KIF3C: variants seen among roughly 807,000 people sequenced by gnomAD.
KIF3C encodes kinesin-like protein KIF3C.
Under a neutral mutation model 67.7 loss-of-function variants are expected in KIF3C, and 12 were observed. The observed-to-expected ratio is 0.18, with a 90% CI of 0.11 to 0.29. The LOEUF (loss-of-function observed/expected upper bound fraction) is 0.29, where lower values mean the gene tolerates loss of function less well. Among genes scored for constraint, KIF3C ranks in the 10% least tolerant of loss-of-function variants. KIF3C has a pLI of 1.00. For missense variants in KIF3C, 789 were observed against 1,059.6 expected (o/e 0.74, Z 3.55); for synonymous variants, 393 against 426.2 (o/e 0.92, Z 0.96).
intron 5 of KIF3C, among the ~76,000 whole-genome samples, chr2:25,949,098 T>C (rs963172653): frequency 2.0e-5 from 3 of 152,184 alleles, no homozygotes; most frequent in Non-Finnish European, 2.9e-5. Context: ...AGTTTGATCA[T>C]TGCACTGTGG....
chr2:25,942,676 C>T (rs921774539), intron 5 of KIF3C, among the ~76,000 whole-genome samples: 1 of 152,126 alleles, frequency 6.6e-6, no homozygotes, highest in Non-Finnish European at 1.5e-5. Context: ...TCCCAAAGTG[C>T]TGGGATTACA....
At position 25,936,661 on chromosome 2, in the gene KIF3C, T is replaced by C. The variant is rs1361082380; in HGVS notation, c.2007-6598A>G. 2.6e-5 allele frequency among the ~76,000 whole-genome samples: 4 copies of C among 152,120 alleles called. No homozygotes were observed. The South Asian group carries it at 8.3e-4, about 31-fold the overall frequency. The stretch of plus-strand genomic sequence containing the variant: ...TGGGGTATGGATCCAGGAATGGAAG[T>C]GTTGCATTGCAGGGTATGTGGATTT... On this transcript the variant is annotated intron_variant, in intron 5 of 7. Coordinates refer to ENST00000264712, the MANE Select transcript of KIF3C (RefSeq NM_002254.8).
chr2:25,978,882 C>T (rs1451922959), intron 1 of KIF3C, among the ~76,000 whole-genome samples: 1 of 152,012 alleles, frequency 6.6e-6, no homozygotes, highest in Admixed American at 6.6e-5. Context: ...TCAGGATGTC[C>T]CTAAAGGTTC....
chr2:25,964,794 C>G (rs1035656247), intron 1 of KIF3C, among the ~76,000 whole-genome samples: 4 of 152,200 alleles, frequency 2.6e-5, no homozygotes, highest in African/African-American at 9.6e-5. Flanking sequence ...TGGACACTAT[C>G]AGGCATAATT....
intron 1 of KIF3C, among the ~76,000 whole-genome samples, chr2:25,979,550 A>G (rs1664509719): frequency 6.6e-6 from 1 of 152,168 alleles, no homozygotes; most frequent in African/African-American, 2.4e-5. Context: ...AGGCCACTCA[A>G]TGAGCTGTAG....
At chr2:25,956,538 T>C in intron 1 of KIF3C, 94 bp from the exon 2 acceptor site, 1 of 900,668 alleles carries the variant, frequency 1.1e-6, no homozygotes, top group Non-Finnish European at 1.8e-6. Flanking sequence ...GTGGTCCTTC[T>C]GGGAGTGGAC....
rs760389673 is a variant in KIF3C at position 25,981,105 on chromosome 2, G to A, written c.813C>T (p.Gly271=). The change falls in exon 1 of 8, where the codon GGC becomes GGT. Residue 271 remains glycine, a synonymous_variant. Coordinates refer to ENST00000264712, the MANE Select transcript of KIF3C (RefSeq NM_002254.8). This position sits in a 1 kb window ranked among gnomAD's most constrained non-coding sequence, Gnocchi z 8.2. ...CACCACTGCCTCCACCGCCACCACC[G>A]CCACCCGAGGATGGTGTGGCTGCCC... ...AGGAATPSSG[G]GGGGGGSGGG... is the part of the protein sequence containing the mutation. 13 of 1,614,002 alleles carry A rather than the reference G, an allele frequency of 8.1e-6. No homozygotes were observed. Among genetic ancestry groups the A allele is most frequent in the Admixed American group, 3.3e-5 (2 of 59,994 alleles).
intron 1 of KIF3C, among the ~76,000 whole-genome samples, chr2:25,960,323 G>A (rs934421752): frequency 6.6e-6 from 1 of 152,154 alleles, no homozygotes; most frequent in Non-Finnish European, 1.5e-5. Flanking sequence ...TAATTTGGAT[G>A]CACATAAATG....
At position 25,981,707 on chromosome 2, in the gene KIF3C, C is replaced by T. The variant is rs774619783; in HGVS notation, c.211G>A (p.Ala71Thr). ...DAVYDASSKQ[A>T]DLYDETVRPL... ...CTCACGGTTTCGTCATACAGGTCGG[C>T]CTGCTTGGAGCTGGCATCATACACG... Residue 71 changes from alanine to threonine, a missense_variant, in exon 1 of 8, where the codon GCC becomes ACC. Ala to Thr is a moderately conservative substitution (Grantham distance 58, BLOSUM62 0). Transcript: ENST00000264712. This position sits in a 1 kb window ranked among gnomAD's most constrained non-coding sequence, Gnocchi z 8.2. The T allele has an allele frequency of 1.3e-5, 21 of 1,613,744 alleles. No homozygotes were observed. Among genetic ancestry groups the T allele is most frequent in the Middle Eastern group, 3.3e-4 (2 of 6,060 alleles).
Position 25,956,394 on chromosome 2 carries a change from G to T in KIF3C, c.1596C>A (p.Thr532=). The change falls in exon 2 of 8, where the codon ACC becomes ACA. Residue 532 remains threonine (T), a synonymous_variant. Transcript: ENST00000264712. ...LIGGRNIMDH[T]NEQQKMLELK... ...GTTCCAACATCTTCTGCTGTTCGTT[G>T]GTGTGATCCATGATGTTCCTGCCCC... The T allele has an allele frequency of 6.2e-7, 1 of 1,614,152 alleles. No homozygotes were observed.
At chr2:25,943,663 C>CTGGAGATGGAGAG (rs1193480553) in intron 5 of KIF3C, among the ~76,000 whole-genome samples, 1 of 151,978 alleles carries the variant, frequency 6.6e-6, no homozygotes, top group Non-Finnish European at 1.5e-5. Flanking sequence ...GACCAACAGG[C>CTGGAGATGGAGAG]TGGAGATGGA....
rs1187474446 is a variant in KIF3C, at chr2:25,980,565, T to A, written c.1353A>T (p.Ser451=). 1 of 1,614,182 alleles carries A rather than the reference T, an allele frequency of 6.2e-7. No individual in the cohort carries two copies. The highest frequency in any genetic ancestry group is 8.5e-7 in the Non-Finnish European group (1 of 1,180,018). Residue 451 remains serine (S), a synonymous_variant, in exon 1 of 8, where the codon TCA becomes TCT. Transcript: ENST00000264712. This position sits in a 1 kb window ranked among gnomAD's most constrained non-coding sequence, Gnocchi z 7.6. ...AATTCTCCATGTTCTTCTCCAAGGC[T>A]GACTCCAGGATGGGCTGGGGCGGGC... ...NHRPPQPILE[S]ALEKNMENYL... is the part of the protein sequence containing the mutation.
At chr2:25,975,123 C>T (rs1187317871) in intron 1 of KIF3C, among the ~76,000 whole-genome samples, 2 of 152,030 alleles carry the variant, frequency 1.3e-5, no homozygotes, top group South Asian at 2.1e-4. Flanking sequence ...GACTCTGTCA[C>T]CTCAAATGTG....
intron 1 of KIF3C, among the ~76,000 whole-genome samples, chr2:25,962,923 TATATAATACATATAATATATA>T (rs1664010733): frequency 2.0e-5 from 1 of 49,494 alleles, no homozygotes; most frequent in South Asian, 5.0e-4. Flanking sequence ...ATATATATAA[TATATAATACATATAATATATA>T]ATATATAATA....
At chr2:25,956,272 C>T (rs533228298) in intron 2 of KIF3C, 71 bp downstream of exon 2, 95 of 1,139,940 alleles carry the variant, frequency 8.3e-5, no homozygotes, top group African/African-American at 1.1e-4. Flanking sequence ...CCATGGTTTA[C>T]GGCCCTGCAC....
intron 1 of KIF3C, among the ~76,000 whole-genome samples, chr2:25,971,282 A>G (rs1375012299): frequency 1.3e-5 from 2 of 150,912 alleles, no homozygotes; most frequent in African/African-American, 4.9e-5. Flanking sequence ...AAAAAAAAAA[A>G]AAAAAAAAAT....
chr2:25,974,057 T>C (rs1664347951), intron 1 of KIF3C, among the ~76,000 whole-genome samples: 1 of 152,166 alleles, frequency 6.6e-6, no homozygotes, highest in South Asian at 2.1e-4. Context: ...TTTATGTTCG[T>C]TCTCTTGTTT....
chr2:25,981,426 C>T lies in KIF3C; in HGVS notation c.492G>A (p.Arg164=), dbSNP rs1664592661. 1.2e-6 allele frequency: 2 copies of T among 1,614,080 alleles called. No homozygotes were observed. Among genetic ancestry groups the T allele is most frequent in the South Asian group, 2.2e-5 (2 of 91,084 alleles). ...TCTCGGGGTTCTCTTTCAGCTCTAG[C>T]CTCTTGCCCGGCTCCTTGGAGAGCA... The part of the protein sequence containing the change: ...RDLLSKEPGK[R]LELKENPETG... Residue 164 remains arginine, a synonymous_variant, in exon 1 of 8, where the codon AGG becomes AGA. Coordinates refer to ENST00000264712, the MANE Select transcript of KIF3C (RefSeq NM_002254.8). The surrounding 1 kb of genome is among the most constrained non-coding windows in gnomAD (Gnocchi z 8.2).
rs1371119633 is a variant in KIF3C at position 25,982,067 on chromosome 2, G to A, written c.-150C>T. ...CAGCCTCCTAGGGTGGGGACGCTGG[G>A]AGGTGGCCCCAACGCTGCTGCAGTC... On this transcript the variant is annotated 5_prime_UTR_variant, in exon 1 of 8. Coordinates refer to ENST00000264712, the MANE Select transcript of KIF3C (RefSeq NM_002254.8). The A allele has an allele frequency of 3.3e-6, 2 of 609,646 alleles. No homozygotes were observed. The highest frequency in any genetic ancestry group is 5.6e-6 in the Non-Finnish European group (2 of 359,490). The allele number at this position is 609,646 out of a possible 1,614,324, so 37.8% of individuals were successfully genotyped here.
Sources: gnomAD v4.1 joint callset for allele counts (sites outside exome capture counted in the v4.1 genomes callset) on GRCh38, gnomAD v4.1.1 for gene constraint, Gnocchi (gnomAD v3.1) non-coding constraint, MANE v1.5 for transcripts, NCBI Gene and HGNC (gene_info 2026-07-23, HGNC 2026-07-21) for gene names.